The following LGALS9 variants were observed in gnomAD, a reference collection of about 807,000 sequenced individuals.
LGALS9 encodes the protein galectin 9.
In LGALS9, 26 loss-of-function variants were observed where a neutral mutation model predicts 35.9. The observed-to-expected ratio is 0.72, with a 90% CI of 0.53 to 1.01. LGALS9 has a LOEUF of 1.01. Ranked by LOEUF, LGALS9 falls within the 50% of genes least tolerant of loss-of-function variation. The pLI is 0.00. For synonymous variants in LGALS9, 149 were observed against 172.2 expected, an observed-to-expected ratio of 0.87 and a Z score of 1.06; for missense variants, 347 against 445.8, an observed-to-expected ratio of 0.78 and a Z score of 1.99.
At position 27,645,893 on chromosome 17, in the gene LGALS9, C is replaced by A. The variant is rs1477274068; in HGVS notation, c.609C>A (p.Ala203=). 1.3e-6 allele frequency: 2 copies of A among 1,590,506 alleles called. No homozygotes were observed. Among genetic ancestry groups the A allele is most frequent in the Non-Finnish European group, 1.7e-6 (2 of 1,160,990 alleles). ...CAGTCATCCACACAGTGCAGAGCGC[C>A]CCTGGACAGATGTTCTCTGTAAGTC... ...TQTVIHTVQS[A]PGQMFSTPAI... Residue 203 remains alanine, a synonymous_variant, in exon 7 of 11, where the codon GCC becomes GCA. Transcript: ENST00000395473.
chr17:27,639,269 C>A (rs1479482271), intron 2 of LGALS9, among the ~76,000 whole-genome samples: 1 of 152,142 alleles, frequency 6.6e-6, no homozygotes, highest in Non-Finnish European at 1.5e-5. Context: ...AGGGAGGCCC[C>A]GATCTCCCTG....
Position 27,642,266 on chromosome 17 carries a change from A to G in LGALS9, c.362A>G (p.Gln121Arg). Reference protein sequence around the residue: ...KVMVNGILFVQYFHRVPFHRV... With the variant: ...KVMVNGILFVRYFHRVPFHRV... ...ATGGTGAACGGGATCCTCTTCGTGC[A>G]GTACTTCCACCGCGTGCCCTTCCAC... is the stretch of plus-strand genomic sequence containing the variant. The change falls in exon 4 of 11, where the codon CAG becomes CGG. Residue 121 changes from glutamine (Q) to arginine (R), a missense_variant. Coordinates refer to ENST00000395473, the MANE Select transcript of LGALS9 (RefSeq NM_009587.3). 1 of 1,613,012 alleles carries G rather than the reference A, an allele frequency of 6.2e-7. No individual in the cohort carries two copies. Among genetic ancestry groups the G allele is most frequent in the Non-Finnish European group, 8.5e-7 (1 of 1,179,770 alleles).
chr17:27,631,957 G>C (rs1417100347), intron 1 of LGALS9, among the ~76,000 whole-genome samples: 3 of 152,030 alleles, frequency 2.0e-5, no homozygotes, highest in Non-Finnish European at 4.4e-5. Flanking sequence ...ATCTGTGGAG[G>C]GGCAGTCTCA....
rs537411713 is a variant in LGALS9 at position 27,648,137 on chromosome 17, G to A, written c.922-699G>A. Among the ~76,000 whole-genome samples, 28 of 152,384 alleles carry A rather than the reference G, an allele frequency of 1.8e-4. No homozygotes were observed. The South Asian group carries it at 5.4e-3, about 29-fold the overall frequency. ...TTCGTATTTTAAAAATATGCCTTAA[G>A]TGATTATACTCTGCAGTCAGAGTTG... On this transcript the variant is annotated intron_variant, in intron 10 of 10. Coordinates refer to ENST00000395473, the MANE Select transcript of LGALS9 (RefSeq NM_009587.3).
At position 27,646,927 on chromosome 17, in the gene LGALS9, A is replaced by C. The variant is rs527238678; in HGVS notation, c.670-103A>C. 1.4e-3 allele frequency: 2,187 copies of C among 1,532,056 alleles called. 10 individuals carry two copies. Among genetic ancestry groups the C allele is most frequent in the African/African-American group, 3.8e-3 (279 of 73,004 alleles). The allele number at this position is 1,532,056 out of a possible 1,614,324, so 94.9% of individuals were successfully genotyped here. A position where few individuals can be genotyped will look rare whatever the true frequency, so the allele number is the denominator to read the frequency against. ...CCTTTGGCTTTTATGGAACCAAGTAAAGATATCATGGGCTTCTTCTCAGCT... is the reference window on the plus strand; with the variant it reads ...CCTTTGGCTTTTATGGAACCAAGTACAGATATCATGGGCTTCTTCTCAGCT... On this transcript the variant is annotated intron_variant, in intron 8 of 10. Coordinates refer to ENST00000395473, the MANE Select transcript of LGALS9 (RefSeq NM_009587.3).
At chr17:27,644,394 C>CCTAT (rs1450506580) in intron 5 of LGALS9, 2 of 152,762 alleles carry the variant, frequency 1.3e-5, no homozygotes, top group Admixed American at 6.5e-5. Context: ...CCCCCATGTC[C>CCTAT]CTATGCCCAT....
chr17:27,643,591 C>T lies in LGALS9; in HGVS notation c.511C>T (p.Pro171Ser). Residue 171 changes from proline to serine, a missense_variant, in exon 5 of 11, where the codon CCA becomes TCA. Pro to Ser is a moderately conservative substitution (Grantham distance 74). Transcript: ENST00000395473. ...TVPFSQPVCF[P>S]PRPRGRRQKP... ...GCCGTTCTCCCAGCCTGTCTGTTTC[C>T]CACCCAGGCCCAGGGGGCGCAGACA... 2 of 1,611,874 alleles carry T rather than the reference C, an allele frequency of 1.2e-6. No individual in the cohort carries two copies. The highest frequency in any genetic ancestry group is 1.7e-6 in the Non-Finnish European group (2 of 1,179,736).
At chr17:27,635,345 C>T (rs138904419) in intron 1 of LGALS9, among the ~76,000 whole-genome samples, 315 of 151,850 alleles carry the variant, frequency 2.1e-3, no homozygotes, top group Middle Eastern at 0.01. Flanking sequence ...GAGGTTGAGG[C>T]GGGAGGATTA....
In LGALS9 at chr17:27,631,277, C is replaced by A. The variant is rs374384119; in HGVS notation, c.12C>A (p.Ser4Arg). MAFSGSQAPYLSPA... is the reference protein window; with the variant it reads MAFRGSQAPYLSPA... ...GAGGCGGCGGAGAGATGGCCTTCAG[C>A]GGTTCCCAGGCTCCCTACCTGAGTC... Residue 4 changes from serine (S) to arginine (R), a missense_variant, in exon 1 of 11, where the codon AGC becomes AGA. By Grantham distance (110) the Ser-to-Arg change is moderately radical. Transcript: ENST00000395473. 7.4e-6 allele frequency: 12 copies of A among 1,614,028 alleles called. No individual in the cohort carries two copies. In the African/African-American group the frequency reaches 1.6e-4, roughly 22 times the overall value.
intron 1 of LGALS9, among the ~76,000 whole-genome samples, chr17:27,632,916 G>A (rs1175652772): frequency 6.6e-6 from 1 of 152,202 alleles, no homozygotes; most frequent in Admixed American, 6.5e-5. Flanking sequence ...GTGGGGGAAG[G>A]TCACGCGGTT....
intron 2 of LGALS9, among the ~76,000 whole-genome samples, chr17:27,639,889 A>G (rs1205853199): frequency 3.3e-5 from 5 of 152,036 alleles, no homozygotes; most frequent in Admixed American, 2.6e-4. Context: ...GGCTCATGCC[A>G]CCATGCCTGG....
intron 1 of LGALS9, among the ~76,000 whole-genome samples, 184 bp from the exon 2 acceptor site, chr17:27,638,079 T>C (rs1339424489): frequency 6.6e-6 from 1 of 151,988 alleles, no homozygotes; most frequent in Non-Finnish European, 1.5e-5. Context: ...CTAATTGGAT[T>C]TGTGTTTGCC....
intron 1 of LGALS9, 76 bp downstream of exon 1, chr17:27,631,380 C>T (rs1383036147): frequency 6.3e-7 from 1 of 1,599,126 alleles, no homozygotes; most frequent in African/African-American, 1.3e-5. Context: ...GAAGCAACTC[C>T]TGGGTGGCAG....
intron 3 of LGALS9, 120 bp downstream of exon 3, chr17:27,640,893 C>G (rs190137188): frequency 1.4e-6 from 2 of 1,444,006 alleles, no homozygotes; most frequent in Non-Finnish European, 1.9e-6. Context: ...ATACAGATAA[C>G]ACGCTCATTT....
chr17:27,648,339 A>G lies in LGALS9; in HGVS notation c.922-497A>G, dbSNP rs144477391. Among the ~76,000 whole-genome samples, 82 of 152,328 alleles carry G rather than the reference A, an allele frequency of 5.4e-4. 1 individual carries two copies. The East Asian group carries it at 0.015, about 28-fold the overall frequency. On this transcript the variant is annotated intron_variant, in intron 10 of 10. Transcript: ENST00000395473. ...TTCAGTTTCCTCATCTACAAAATGG[A>G]GCTAATAATCATGAATTTCCTAGAG... is the stretch of plus-strand genomic sequence containing the variant.
chr17:27,637,403 C>CAT (rs1454128933), intron 1 of LGALS9, among the ~76,000 whole-genome samples: 5 of 152,188 alleles, frequency 3.3e-5, no homozygotes, highest in African/African-American at 7.2e-5. Context: ...TCACTCAGGT[C>CAT]ATGAGCAGCA....
rs577579566 is a variant in LGALS9 at position 27,642,869 on chromosome 17, C to G, written c.444+521C>G. On this transcript the variant is annotated intron_variant, in intron 4 of 10. Coordinates refer to ENST00000395473, the MANE Select transcript of LGALS9 (RefSeq NM_009587.3). ...GGGCCCACACCAGGGTCTGTTTGAC[C>G]TCTGTGTTTTAACAACTTTGAATGT... 2.0e-5 allele frequency among the ~76,000 whole-genome samples: 3 copies of G among 152,228 alleles called. No homozygotes were observed. The South Asian group carries it at 6.2e-4, about 32-fold the overall frequency.
intron 10 of LGALS9, among the ~76,000 whole-genome samples, chr17:27,647,687 G>A (rs1425709213): frequency 6.6e-6 from 1 of 152,358 alleles, no homozygotes; most frequent in East Asian, 1.9e-4. Context: ...CAGTCAGTAA[G>A]TGTCAAATCA....
intron 1 of LGALS9, among the ~76,000 whole-genome samples, chr17:27,633,387 A>T (rs937600215): frequency 3.3e-5 from 5 of 152,322 alleles, no homozygotes; most frequent in African/African-American, 1.2e-4. Flanking sequence ...AGAAGTCTAA[A>T]ATCAAAGTGT....
Sources: gnomAD v4.1 joint callset for allele counts (sites outside exome capture counted in the v4.1 genomes callset) on GRCh38, gnomAD v4.1.1 for gene constraint, MANE v1.5 for transcripts, NCBI Gene and HGNC (gene_info 2026-07-23, HGNC 2026-07-21) for gene names.